CFI: variants seen among roughly 807,000 people sequenced by gnomAD.
CFI encodes the protein C3B/C4B inactivator.
In CFI, 66 loss-of-function variants were observed where a neutral mutation model predicts 78.8. The observed-to-expected ratio is 0.84, with a 90% confidence interval of 0.69 to 1.03. The LOEUF is 1.03. Among genes scored for constraint, CFI ranks in the 50% least tolerant of loss-of-function variants. The probability of loss-of-function intolerance (pLI) is 0.00; values close to 1 mark genes in which losing one functional copy is unlikely to be tolerated. For missense variants in CFI, 706 were observed against 704.5 expected (o/e 1.00, Z -0.02); for synonymous variants, 250 against 232.6 (o/e 1.07, Z -0.68).
intron 10 of CFI, among the ~76,000 whole-genome samples, chr4:109,747,658 TA>T (rs555331291): frequency 2.6e-4 from 39 of 152,226 alleles, no homozygotes; most frequent in Non-Finnish European, 7.3e-5. Flanking sequence ...TCTTAAGCAA[TA>T]AAACTTATTT....
intron 1 of CFI, among the ~76,000 whole-genome samples, chr4:109,780,063 A>C (rs1729803143): frequency 6.6e-6 from 1 of 152,162 alleles, no homozygotes; most frequent in Admixed American, 6.6e-5. Context: ...CGCAGGCAAC[A>C]CCATTCAGGC....
chr4:109,773,609 T>A (rs1488791026), intron 1 of CFI, among the ~76,000 whole-genome samples: 1 of 152,198 alleles, frequency 6.6e-6, no homozygotes, highest in Non-Finnish European at 1.5e-5. Flanking sequence ...GATGATACAC[T>A]CTTTATAATT....
rs923652662 is a variant in CFI, at chr4:109,764,666, T to C, written c.353A>G (p.His118Arg). 1 of 1,614,052 alleles carries C rather than the reference T, an allele frequency of 6.2e-7. No individual in the cohort carries two copies. The highest frequency in any genetic ancestry group is 8.5e-7 in the Non-Finnish European group (1 of 1,179,996). The change falls in exon 3 of 13, where the codon CAT (histidine) becomes CGT (arginine). Residue 118 changes from histidine to arginine, a missense_variant. Coordinates refer to ENST00000394634, the MANE Select transcript of CFI (RefSeq NM_000204.5). ...TATTCCCTCTGAATCTGTATTTCCA[T>C]GCTTCAAGGAAACACTAAACTTTCC... ...AEGKFSVSLK[H>R]GNTDSEGIVE... is the part of the protein sequence containing the mutation.
rs115511524 is a variant in CFI at position 109,796,551 on chromosome 4, C to T, written c.57+5364G>A. ...GGTGCAGCAGTTCATGCCTATTTCCCAGTGCTTTGAGAGGCCATGGTGGGA... is the reference window on the plus strand; with the variant it reads ...GGTGCAGCAGTTCATGCCTATTTCCTAGTGCTTTGAGAGGCCATGGTGGGA... On this transcript the variant is annotated intron_variant, in intron 1 of 12. Coordinates refer to ENST00000394634, the MANE Select transcript of CFI (RefSeq NM_000204.5). Among the ~76,000 whole-genome samples the T allele has an allele frequency of 5.3e-3, 802 of 152,272 alleles. 6 individuals are homozygous for T. Among genetic ancestry groups the T allele is most frequent in the African/African-American group, 0.018 (767 of 41,538 alleles).
rs77316651 is a variant in CFI, at chr4:109,743,501, A to C, written c.1430-906T>G. On this transcript the variant is annotated intron_variant, in intron 11 of 12. Coordinates refer to ENST00000394634, the MANE Select transcript of CFI (RefSeq NM_000204.5). The stretch of plus-strand genomic sequence containing the variant: ...GAGAGCTGGACTTCATCTTTCAGCC[A>C]TGGAACTTATTCATCCCCTTGTTTG... 4.7e-3 allele frequency among the ~76,000 whole-genome samples: 709 copies of C among 152,326 alleles called. 8 individuals are homozygous for C. The highest frequency in any genetic ancestry group is 0.016 in the African/African-American group (681 of 41,568).
intron 3 of CFI, among the ~76,000 whole-genome samples, chr4:109,763,247 T>C (rs1051589746): frequency 6.6e-6 from 1 of 152,142 alleles, no homozygotes; most frequent in Non-Finnish European, 1.5e-5. Flanking sequence ...CTTGATGGGT[T>C]AATTACATTT....
At chr4:109,756,218 G>C (rs1331359734) in intron 7 of CFI, among the ~76,000 whole-genome samples, 1 of 151,884 alleles carries the variant, frequency 6.6e-6, no homozygotes, top group Non-Finnish European at 1.5e-5. Flanking sequence ...CAGGGGCCTT[G>C]CTTGACCCCT....
intron 1 of CFI, among the ~76,000 whole-genome samples, chr4:109,792,678 T>C (rs962641283): frequency 2.0e-5 from 3 of 152,220 alleles, no homozygotes; most frequent in African/African-American, 7.2e-5. Context: ...TGTATAATAT[T>C]CATAATTGTT....
At chr4:109,738,851 T>G (rs1723536874), downstream of CFI, among the ~76,000 whole-genome samples, 1 of 152,210 alleles carries the variant, frequency 6.6e-6, no homozygotes, top group Admixed American at 6.5e-5. Context: ...CATGAGAGAC[T>G]GGAAGGGGAA....
chr4:109,732,916 G>A, the CFI span, among the ~76,000 whole-genome samples: 2 of 151,546 alleles, frequency 1.3e-5, no homozygotes, highest in Non-Finnish European at 2.9e-5. Context: ...TAAGTACAGA[G>A]CCCTTTTGAC....
chr4:109,732,810 T>C, the CFI span, among the ~76,000 whole-genome samples: 5 of 148,080 alleles, frequency 3.4e-5, no homozygotes, highest in African/African-American at 1.2e-4. Context: ...TGAGCCAAGA[T>C]CGTGCCACTG....
intron 12 of CFI, chr4:109,742,134 A>C: frequency 4.1e-6 from 1 of 245,954 alleles, no homozygotes; most frequent in South Asian, 6.3e-5. Flanking sequence ...ACTGCTCTGC[A>C]TCTCAGATGC....
intron 1 of CFI, among the ~76,000 whole-genome samples, chr4:109,771,163 C>T (rs1261270358): frequency 6.7e-6 from 1 of 149,176 alleles, no homozygotes; most frequent in Non-Finnish European, 1.5e-5. Context: ...AGGCTGAGGC[C>T]AGCGGATCAT....
chr4:109,739,043 T>C (rs899150116), downstream of CFI, among the ~76,000 whole-genome samples: 5 of 152,194 alleles, frequency 3.3e-5, no homozygotes, highest in Non-Finnish European at 7.3e-5. Flanking sequence ...GTATTTAATG[T>C]CACTCAACTT....
In CFI at chr4:109,759,573, T is replaced by C. The variant is rs182221426; in HGVS notation, c.883+697A>G. ...GTGTTTTTATCACTGGAGATGCATATAAATGATGTGATATGATATCTAAAA... is the reference window on the plus strand; with the variant it reads ...GTGTTTTTATCACTGGAGATGCATACAAATGATGTGATATGATATCTAAAA... On this transcript the variant is annotated intron_variant, in intron 6 of 12. Coordinates refer to ENST00000394634, the MANE Select transcript of CFI (RefSeq NM_000204.5). 1.0e-3 allele frequency among the ~76,000 whole-genome samples: 159 copies of C among 152,304 alleles called. 1 individual carries two copies. Among genetic ancestry groups the C allele is most frequent in the African/African-American group, 3.8e-3 (156 of 41,560 alleles).
At chr4:109,748,580 G>A (rs1443448427) in intron 10 of CFI, among the ~76,000 whole-genome samples, 1 of 152,162 alleles carries the variant, frequency 6.6e-6, no homozygotes, top group East Asian at 1.9e-4. Context: ...TAGGGAAAAG[G>A]GTAAGGAAGA....
At chr4:109,756,941 GAAAGAAAGAAA>G (rs1726333095) in intron 7 of CFI, among the ~76,000 whole-genome samples, 1 of 147,938 alleles carries the variant, frequency 6.8e-6, no homozygotes, top group African/African-American at 2.5e-5. Flanking sequence ...AAGAAAGAAA[GAAAGAAAGAAA>G]GAAAGAAAGA....
chr4:109,799,814 T>G (rs1732534127), intron 1 of CFI, among the ~76,000 whole-genome samples: 1 of 152,210 alleles, frequency 6.6e-6, no homozygotes, highest in Non-Finnish European at 1.5e-5. Context: ...GTTGTTATTG[T>G]GTTAAGGCTA....
chr4:109,780,963 C>T (rs1729938047), intron 1 of CFI, among the ~76,000 whole-genome samples: 1 of 152,136 alleles, frequency 6.6e-6, no homozygotes, highest in African/African-American at 2.4e-5. Context: ...CACTTGGACA[C>T]AGGGTGGGGA....
Sources: gnomAD v4.1 joint callset for allele counts (sites outside exome capture counted in the v4.1 genomes callset) on GRCh38, gnomAD v4.1.1 for gene constraint, MANE v1.5 for transcripts, NCBI Gene and HGNC (gene_info 2026-07-23, HGNC 2026-07-21) for gene names.